Variants in ARID2 observed in about 807,000 individuals in gnomAD.
ARID2 encodes AT-rich interaction domain 2, also known as AT-rich interactive domain-containing protein 2.
ARID2 carries 32 observed loss-of-function variants against 184.6 expected under a neutral mutation model. That is an observed-to-expected ratio of 0.17 (90% CI 0.13 to 0.23). The LOEUF (loss-of-function observed/expected upper bound fraction) is 0.23, where lower values mean the gene tolerates loss of function less well. ARID2 is among the 10% of genes least tolerant of loss of function. The pLI is 1.00. For synonymous variants in ARID2, 836 were observed against 772.6 expected (o/e 1.08, Z -1.36); for missense variants, 1,696 against 2,197.6 (o/e 0.77, Z 4.56).
chr12:45,837,808 A>T, intron 10 of ARID2, 101 bp downstream of exon 10: 1 of 1,106,604 alleles, frequency 9.0e-7, no homozygotes, highest in Non-Finnish European at 1.3e-6. Flanking sequence ...TTAGTGTTTT[A>T]TTTTGAAGAG....
Position 45,893,476 on chromosome 12 carries a change from A to G in ARID2, c.5204A>G (p.Asn1735Ser). 1.9e-6 allele frequency: 3 copies of G among 1,614,058 alleles called. No individual in the cohort carries two copies. The highest frequency in any genetic ancestry group is 2.2e-5 in the East Asian group (1 of 44,874). Reference sequence around the variant, plus strand: ...CCTAGAGCACAAAAGGCCATTGTGAATCATCCCAGTGCTGCACTTATGGCT... The same window carrying G: ...CCTAGAGCACAAAAGGCCATTGTGAGTCATCCCAGTGCTGCACTTATGGCT... ...STPRAQKAIV[N>S]HPSAALMALR... The change falls in exon 19 of 21, where the codon AAT (asparagine) becomes AGT (serine). Residue 1735 changes from asparagine (N) to serine (S), a missense_variant. Coordinates refer to ENST00000334344, the MANE Select transcript of ARID2 (RefSeq NM_152641.4).
At chr12:45,861,438 T>C (rs752200620) in intron 16 of ARID2, among the ~76,000 whole-genome samples, 6 of 152,184 alleles carry the variant, frequency 3.9e-5, no homozygotes, top group Non-Finnish European at 5.9e-5. Context: ...AGATGAACTT[T>C]TGAAATAAAC....
intron 3 of ARID2, chr12:45,789,213 T>C (rs1464004373): frequency 6.6e-6 from 1 of 152,210 alleles, no homozygotes; most frequent in East Asian, 1.9e-4. Flanking sequence ...AGAACATCTC[T>C]TCCTTCTTAG....
In ARID2 at chr12:45,758,377, ATT is replaced by A. The variant is rs539762261; in HGVS notation, c.284+27072_284+27073del. On this transcript the variant is annotated intron_variant, in intron 3 of 20. Coordinates refer to ENST00000334344, the MANE Select transcript of ARID2 (RefSeq NM_152641.4). ...TATGACATTTTTTTTTGTGCGATCG[ATT>A]TTTTTTTTGTGCGACTTTTTTTTAA... 5.6e-3 allele frequency among the ~76,000 whole-genome samples: 827 copies of A among 148,228 alleles called. 7 individuals carry two copies. The highest frequency in any genetic ancestry group is 0.02 in the African/African-American group (789 of 40,408).
chr12:45,796,997 T>C (rs1002827912), intron 3 of ARID2, among the ~76,000 whole-genome samples: 2 of 152,208 alleles, frequency 1.3e-5, no homozygotes, highest in Non-Finnish European at 2.9e-5. Context: ...ATATTATAGT[T>C]TTTCAAACAC....
At chr12:45,730,206 A>C in intron 2 of ARID2, 69 bp downstream of exon 2, 1 of 1,523,452 alleles carries the variant, frequency 6.6e-7, no homozygotes, top group Non-Finnish European at 9.0e-7. Context: ...TTGACCCCGG[A>C]GTGGGCGCTT....
chr12:45,897,671 A>G (rs1351254689), intron 20 of ARID2, among the ~76,000 whole-genome samples: 7 of 152,342 alleles, frequency 4.6e-5, no homozygotes, highest in East Asian at 1.9e-4. Flanking sequence ...ATTGATGGCT[A>G]TTACTCATAA....
chr12:45,821,371 G>T (rs772387781), intron 5 of ARID2, 49 bp from the exon 6 acceptor site: 13 of 1,159,476 alleles, frequency 1.1e-5, no homozygotes, highest in East Asian at 2.8e-5. Context: ...TTAATTGAAA[G>T]AATTTATTGC....
chr12:45,802,740 T>C (rs559525698), intron 3 of ARID2, among the ~76,000 whole-genome samples: 2 of 151,602 alleles, frequency 1.3e-5, no homozygotes, highest in South Asian at 4.2e-4. Context: ...GAAAAAAAAA[T>C]TTTTTTTCGT....
chr12:45,905,686 A>G lies in ARID2; in HGVS notation c.*608A>G. The G allele has an allele frequency of 4.3e-6, 1 of 232,880 alleles. No individual in the cohort carries two copies. The highest frequency in any genetic ancestry group is 8.5e-6 in the Non-Finnish European group (1 of 117,598). 14.4% of individuals were successfully genotyped at this position (232,880 alleles called of 1,614,324 possible). ...CATAAAAATTTACCAGTCTGAATAGATCTTGTAAATATTTGTGAATAGAAT... is the reference window on the plus strand; with the variant it reads ...CATAAAAATTTACCAGTCTGAATAGGTCTTGTAAATATTTGTGAATAGAAT... On this transcript the variant is annotated 3_prime_UTR_variant, in exon 21 of 21. Transcript: ENST00000334344.
rs1293116321 is a variant in ARID2, at chr12:45,850,136, A to G, written c.2013A>G (p.Val671=). The G allele has an allele frequency of 3.1e-6, 5 of 1,613,978 alleles. No homozygotes were observed. The Admixed American group carries it at 6.7e-5, about 22-fold the overall frequency. Residue 671 remains valine, a synonymous_variant, in exon 15 of 21, where the codon GTA becomes GTG. Coordinates refer to ENST00000334344, the MANE Select transcript of ARID2 (RefSeq NM_152641.4). Reference sequence around the variant, plus strand: ...CTGCAACACAAATGTCTTTTCCTGTACAAGGTGTTCATACTGTGGCACAAA... The same window carrying G: ...CTGCAACACAAATGTCTTTTCCTGTGCAAGGTGTTCATACTGTGGCACAAA... ...NLTATQMSFP[V]QGVHTVAQTV... is the part of the protein sequence containing the mutation.
At position 45,852,902 on chromosome 12, in the gene ARID2, T is replaced by C. The variant is rs2138182260; in HGVS notation, c.4773+6T>C. The stretch of plus-strand genomic sequence containing the variant: ...TACAGAATGTGGTCCCGCAGGTAAG[T>C]TATTCCATGATCACATTTCTCTTAT... On this transcript the variant is annotated splice_donor_region_variant and intron_variant, in intron 15 of 20. Transcript: ENST00000334344. The C allele has an allele frequency of 6.4e-7, 1 of 1,552,558 alleles. No individual in the cohort carries two copies. The highest frequency in any genetic ancestry group is 8.7e-7 in the Non-Finnish European group (1 of 1,149,984).
intron 3 of ARID2, among the ~76,000 whole-genome samples, chr12:45,747,118 CA>C (rs1941375739): frequency 6.6e-6 from 1 of 152,072 alleles, no homozygotes; most frequent in South Asian, 2.1e-4. Context: ...TGTCTTCCCC[CA>C]ATTCACATGA....
intron 3 of ARID2, among the ~76,000 whole-genome samples, chr12:45,771,742 A>G (rs1941882142): frequency 6.6e-6 from 1 of 151,974 alleles, no homozygotes. Flanking sequence ...AAAATGCAAT[A>G]TATTTGCCAG....
chr12:45,892,161 T>G, intron 18 of ARID2, 65 bp downstream of exon 18: 1 of 1,503,776 alleles, frequency 6.6e-7, no homozygotes, highest in Non-Finnish European at 9.0e-7. Flanking sequence ...CACAAGAAAA[T>G]GAAACGCAAC....
Sources: allele counts gnomAD v4.1 joint callset (sites outside exome capture counted in the v4.1 genomes callset), GRCh38; gene constraint gnomAD v4.1.1; transcripts MANE v1.5; gene names NCBI Gene and HGNC (gene_info 2026-07-23, HGNC 2026-07-21).